RIMS4: variants seen among roughly 807,000 people sequenced by gnomAD.
RIMS4 encodes regulating synaptic membrane exocytosis protein 4.
Under a neutral mutation model 29.0 loss-of-function variants are expected in RIMS4, and 9 were observed. That is an observed-to-expected ratio of 0.31 (90% CI 0.19 to 0.54). The LOEUF (loss-of-function observed/expected upper bound fraction) is 0.54, where lower values mean the gene tolerates loss of function less well. Ranked by LOEUF, RIMS4 falls within the 20% of genes least tolerant of loss-of-function variation. RIMS4 has a pLI of 0.94. For missense variants in RIMS4, 193 were observed against 365.7 expected (o/e 0.53, Z 3.85); for synonymous variants, 130 against 152.9 (o/e 0.85, Z 1.10).
chr20:44,795,650 T>C (rs2066251854), intron 1 of RIMS4, among the ~76,000 whole-genome samples: 1 of 151,356 alleles, frequency 6.6e-6, no homozygotes, highest in South Asian at 2.1e-4. Context: ...AAAATAGGGA[T>C]AGCCCCCAAA....
chr20:44,808,237 T>A (rs1343717713), intron 1 of RIMS4, among the ~76,000 whole-genome samples: 2 of 152,100 alleles, frequency 1.3e-5, no homozygotes, highest in African/African-American at 4.8e-5. Flanking sequence ...TACTAAAGAA[T>A]TTCAAGAAGG....
rs1205595110 is a variant in RIMS4, at chr20:44,758,140, C to A, written c.281G>T (p.Ser94Ile). The A allele has an allele frequency of 6.2e-7, 1 of 1,613,784 alleles. No homozygotes were observed. Among genetic ancestry groups the A allele is most frequent in the Non-Finnish European group, 8.5e-7 (1 of 1,179,826 alleles). ...CGGCCCCATGCTTCCCAGGAAGTCA[C>A]TGAACTGGGCGTCCGACGCCAGGCA... ...GVCLASDAQF[S>I]DFLGSMGPAQ... Residue 94 changes from serine (S) to isoleucine (I), a missense_variant, in exon 3 of 6, where the codon AGT becomes ATT. Transcript: ENST00000372851.
At chr20:44,763,347 T>C (rs1409244358) in intron 2 of RIMS4, among the ~76,000 whole-genome samples, 6 of 152,154 alleles carry the variant, frequency 3.9e-5, no homozygotes, top group African/African-American at 1.2e-4. Context: ...GTAGGCAAGG[T>C]GCTTTAGCAC....
intron 1 of RIMS4, among the ~76,000 whole-genome samples, chr20:44,786,463 T>C (rs529488979): frequency 6.6e-6 from 1 of 152,228 alleles, no homozygotes; most frequent in African/African-American, 2.4e-5. Flanking sequence ...CCTGTATTTG[T>C]TCATTCATGC....
At chr20:44,787,239 A>T (rs1489923307) in intron 1 of RIMS4, among the ~76,000 whole-genome samples, 1 of 152,076 alleles carries the variant, frequency 6.6e-6, no homozygotes. Flanking sequence ...GGGCAGGAGG[A>T]GAGGGCAGAC....
intron 2 of RIMS4, among the ~76,000 whole-genome samples, chr20:44,760,149 T>C (rs906852778): frequency 1.3e-5 from 2 of 152,118 alleles, no homozygotes; most frequent in African/African-American, 4.8e-5. Context: ...GCAGAGGAAG[T>C]CAGGCAAGGA....
intron 1 of RIMS4, among the ~76,000 whole-genome samples, chr20:44,808,169 C>A (rs942385787): frequency 6.6e-6 from 1 of 151,906 alleles, no homozygotes; most frequent in African/African-American, 2.4e-5. Context: ...ACACCCCCAT[C>A]CATTTGCGGG....
chr20:44,769,802 C>G (rs1481237139), intron 2 of RIMS4, among the ~76,000 whole-genome samples: 1 of 152,178 alleles, frequency 6.6e-6, no homozygotes, highest in African/African-American at 2.4e-5. Context: ...AGCAGAAGCC[C>G]CCAGCTGAGG....
chr20:44,762,104 C>T (rs1207775523), intron 2 of RIMS4, among the ~76,000 whole-genome samples: 1 of 152,198 alleles, frequency 6.6e-6, no homozygotes, highest in African/African-American at 2.4e-5. Flanking sequence ...TAGATTCTCA[C>T]AAGGAGCTTG....
At chr20:44,782,849 T>C (rs936779199) in intron 1 of RIMS4, among the ~76,000 whole-genome samples, 2 of 152,138 alleles carry the variant, frequency 1.3e-5, no homozygotes, top group African/African-American at 2.4e-5. Context: ...CCACAAACAC[T>C]GGAAAGAGAA....
intron 1 of RIMS4, among the ~76,000 whole-genome samples, chr20:44,798,375 T>A (rs532437149): frequency 3.3e-4 from 50 of 152,320 alleles, no homozygotes; most frequent in African/African-American, 1.2e-3. Flanking sequence ...CAGAAGTCCA[T>A]CCAGATGCTC....
In RIMS4 at chr20:44,810,158, G is replaced by T. The variant is rs1310663607; in HGVS notation, c.97+17C>A. The T allele has an allele frequency of 6.5e-7, 1 of 1,548,988 alleles. No individual in the cohort carries two copies. Among genetic ancestry groups the T allele is most frequent in the Non-Finnish European group, 8.8e-7 (1 of 1,135,546 alleles). On this transcript the variant is annotated intron_variant, in intron 1 of 5. Transcript: ENST00000372851. ...CCGGGACACCCCGGGGGTCTGGGGG[G>T]CGGGCCGCGCGCTTACCTGCGTCCT...
intron 2 of RIMS4, among the ~76,000 whole-genome samples, chr20:44,766,262 C>A (rs193229959): frequency 8.5e-5 from 13 of 152,300 alleles, no homozygotes; most frequent in Non-Finnish European, 1.8e-4. Flanking sequence ...GAACCACTAT[C>A]AATTACTGGT....
intron 1 of RIMS4, among the ~76,000 whole-genome samples, chr20:44,786,225 C>A (rs1327534703): frequency 6.6e-6 from 1 of 152,208 alleles, no homozygotes; most frequent in African/African-American, 2.4e-5. Context: ...CAGGCAGAAG[C>A]TGAAATATGG....
chr20:44,758,945 G>A (rs2066072644), intron 2 of RIMS4, among the ~76,000 whole-genome samples: 1 of 152,194 alleles, frequency 6.6e-6, no homozygotes, highest in Non-Finnish European at 1.5e-5. Context: ...CCTGAAGCAA[G>A]CTACTTCATC....
chr20:44,764,255 C>CATCCATCCATCCATCCAT (rs1325046131), intron 2 of RIMS4, among the ~76,000 whole-genome samples: 164 of 144,170 alleles, frequency 1.1e-3, no homozygotes, highest in East Asian at 1.6e-3. Flanking sequence ...TCCATCCATC[C>CATCCATCCATCCATCCAT]TCCCACAAAC....
chr20:44,773,849 C>T lies in RIMS4; in HGVS notation c.98-2436G>A, dbSNP rs938679623. On this transcript the variant is annotated intron_variant, in intron 1 of 5. Coordinates refer to ENST00000372851, the MANE Select transcript of RIMS4 (RefSeq NM_182970.4). The stretch of plus-strand genomic sequence containing the variant: ...GTATGGAGACCCGGGGCAAGCTGGA[C>T]GGCATCTTCCCACGGAGCTGTTGAG... 7.2e-5 allele frequency among the ~76,000 whole-genome samples: 11 copies of T among 152,316 alleles called. 1 individual carries two copies. The highest frequency in any genetic ancestry group is 5.2e-4 in the Admixed American group (8 of 15,306).
intron 1 of RIMS4, among the ~76,000 whole-genome samples, chr20:44,807,416 C>G (rs1377238017): frequency 6.6e-6 from 1 of 152,210 alleles, no homozygotes; most frequent in Non-Finnish European, 1.5e-5. Flanking sequence ...GGCAACTAAA[C>G]TCTGAAGATG....
chr20:44,788,055 T>C (rs949770345), intron 1 of RIMS4, among the ~76,000 whole-genome samples: 5 of 152,214 alleles, frequency 3.3e-5, no homozygotes, highest in Non-Finnish European at 5.9e-5. Flanking sequence ...AGGTGGTATC[T>C]GGCAGAATTG....
Sources: allele counts gnomAD v4.1 joint callset (sites outside exome capture counted in the v4.1 genomes callset), GRCh38; gene constraint gnomAD v4.1.1; transcripts MANE v1.5; gene names NCBI Gene and HGNC (gene_info 2026-07-23, HGNC 2026-07-21).